The following PLBD1 variants were observed in gnomAD, a reference collection of about 807,000 sequenced individuals.
PLBD1 encodes lysosomal leucine aminopeptidase.
Under a neutral mutation model 63.0 loss-of-function variants are expected in PLBD1, and 60 were observed. The observed-to-expected ratio is 0.95, with a 90% CI of 0.77 to 1.18. PLBD1 has a LOEUF of 1.18. Ranked by LOEUF, PLBD1 falls within the 50% of genes most tolerant of loss-of-function variation. The pLI, the probability that PLBD1 is intolerant of heterozygous loss-of-function variation, is 0.00. For missense variants in PLBD1, 598 were observed against 677.9 expected (o/e 0.88, Z 1.31); for synonymous variants, 262 against 248.0 (o/e 1.06, Z -0.53).
chr12:14,563,421 G>A (rs2136936473), intron 1 of PLBD1, among the ~76,000 whole-genome samples: 1 of 152,244 alleles, frequency 6.6e-6, no homozygotes, highest in South Asian at 2.1e-4. Context: ...GGGAGGCTGA[G>A]GCATGAGAAT....
Position 14,503,732 on chromosome 12 carries a change from G to A in PLBD1, c.*40C>T, listed in dbSNP as rs747745304. The A allele has an allele frequency of 1.3e-6, 2 of 1,527,316 alleles. No homozygotes were observed. The highest frequency in any genetic ancestry group is 2.8e-5 in the African/African-American group (2 of 72,448). The allele number at this position is 1,527,316 out of a possible 1,614,324, so 94.6% of individuals were successfully genotyped here. A position where few individuals can be genotyped will look rare whatever the true frequency, so the allele number is the denominator to read the frequency against. On this transcript the variant is annotated 3_prime_UTR_variant, in exon 11 of 11. Coordinates refer to ENST00000240617, the MANE Select transcript of PLBD1 (RefSeq NM_024829.6). ...AAACATAGCTAAAATAGTGCCTTTG[G>A]TATCTTATTTACAGTCTTCTAGTCC...
At chr12:14,561,990 T>C (rs1945745024) in intron 1 of PLBD1, among the ~76,000 whole-genome samples, 1 of 152,204 alleles carries the variant, frequency 6.6e-6, no homozygotes, top group Non-Finnish European at 1.5e-5. Context: ...GGTTTGCAAA[T>C]GACCTGAAAG....
intron 10 of PLBD1, among the ~76,000 whole-genome samples, chr12:14,504,614 T>G (rs1945236488): frequency 6.6e-6 from 1 of 152,216 alleles, no homozygotes; most frequent in Admixed American, 6.5e-5. Context: ...GGCATGAGGA[T>G]TAATGCAAGC....
Position 14,503,944 on chromosome 12 carries a change from A to C in PLBD1, c.1490T>G (p.Ile497Ser). 4 of 1,597,542 alleles carry C rather than the reference A, an allele frequency of 2.5e-6. No individual in the cohort carries two copies. The highest frequency in any genetic ancestry group is 3.4e-6 in the Non-Finnish European group (4 of 1,170,598). ...GGATGTGTACTGAGATGCTAGGTAG[A>C]TATCTGCCACCTGGAAAGAGGGAGG... Reference protein sequence around the residue: ...GGCYDTKVADIYLASQYTSYA... With the variant: ...GGCYDTKVADSYLASQYTSYA... Residue 497 changes from isoleucine to serine, a missense_variant, in exon 11 of 11, where the codon ATC (isoleucine) becomes AGC (serine). Ile to Ser is a moderately radical substitution (Grantham distance 142). Coordinates refer to ENST00000240617, the MANE Select transcript of PLBD1 (RefSeq NM_024829.6).
At chr12:14,534,765 A>G (rs1945498917) in intron 6 of PLBD1, among the ~76,000 whole-genome samples, 1 of 152,070 alleles carries the variant, frequency 6.6e-6, no homozygotes, top group South Asian at 2.1e-4. Context: ...GATGGTCTCA[A>G]TCTCCTGACC....
intron 2 of PLBD1, among the ~76,000 whole-genome samples, chr12:14,548,560 T>G (rs115408384): frequency 0.01 from 1,549 of 151,850 alleles, 38 homozygotes; most frequent in African/African-American, 0.036. Context: ...AGAAGCATAT[T>G]CAGTTTCTAA....
intron 2 of PLBD1, among the ~76,000 whole-genome samples, chr12:14,543,028 C>T (rs1276432103): frequency 6.6e-6 from 1 of 152,112 alleles, no homozygotes; most frequent in Non-Finnish European, 1.5e-5. Flanking sequence ...TTAAAAATGT[C>T]TCATATGGTG....
At chr12:14,540,039 T>C (rs1479334237) in intron 4 of PLBD1, among the ~76,000 whole-genome samples, 1 of 52,710 alleles carries the variant, frequency 1.9e-5, no homozygotes, top group Non-Finnish European at 4.7e-5. Flanking sequence ...TATATATATA[T>C]ATATATATAT....
Position 14,565,879 on chromosome 12 carries a change from T to C in PLBD1, c.115+1703A>G, listed in dbSNP as rs1366357079. Among the ~76,000 whole-genome samples the C allele has an allele frequency of 2.0e-5, 3 of 152,164 alleles. No individual in the cohort carries two copies. The East Asian group carries it at 5.8e-4, about 29-fold the overall frequency. On this transcript the variant is annotated intron_variant, in intron 1 of 10. Coordinates refer to ENST00000240617, the MANE Select transcript of PLBD1 (RefSeq NM_024829.6). ...ATGGTGCTGTCAGGATCACTTCATC[T>C]CAGAAATGTCCTTACTTTCTGCCTT...
At chr12:14,531,450 T>G (rs922072594) in intron 6 of PLBD1, among the ~76,000 whole-genome samples, 1 of 152,164 alleles carries the variant, frequency 6.6e-6, no homozygotes, top group Non-Finnish European at 1.5e-5. Flanking sequence ...TCAAAAATCC[T>G]TATTATGCTT....
In PLBD1 at chr12:14,507,125, T is replaced by G; in HGVS notation, c.1187-7A>C. 6.3e-7 allele frequency: 1 copy of G among 1,587,634 alleles called. No individual in the cohort carries two copies. Among genetic ancestry groups the G allele is most frequent in the African/African-American group, 1.3e-5 (1 of 74,514 alleles). ...TTGTAGGAGGGCCAATATCCTGATT[T>G]GGAATGGAAGGGAAGTAAGGGAGGG... is the stretch of plus-strand genomic sequence containing the variant. On this transcript the variant is annotated splice_polypyrimidine_tract_variant and splice_region_variant and intron_variant, in intron 8 of 10. Transcript: ENST00000240617.
intron 1 of PLBD1, among the ~76,000 whole-genome samples, chr12:14,561,612 T>C (rs1367935757): frequency 6.6e-6 from 1 of 152,212 alleles, no homozygotes; most frequent in Non-Finnish European, 1.5e-5. Context: ...TGGAATGCAA[T>C]GGCACGGTCT....
chr12:14,549,191 T>G (rs754699722), intron 2 of PLBD1, among the ~76,000 whole-genome samples: 4 of 152,206 alleles, frequency 2.6e-5, no homozygotes, highest in Non-Finnish European at 5.9e-5. Flanking sequence ...CCATTAAACC[T>G]GATTAGCATG....
chr12:14,560,425 G>GAA, intron 1 of PLBD1, among the ~76,000 whole-genome samples: 1 of 152,224 alleles, frequency 6.6e-6, no homozygotes, highest in South Asian at 2.1e-4. Flanking sequence ...AGATGTTGGA[G>GAA]AAAATAGAAA....
chr12:14,536,741 C>T (rs1485866494), intron 4 of PLBD1, 31 bp from the exon 5 acceptor site: 1 of 1,605,644 alleles, frequency 6.2e-7, no homozygotes. Context: ...CACTTAACAT[C>T]GTTTTGTGAC....
intron 2 of PLBD1, among the ~76,000 whole-genome samples, chr12:14,547,389 G>C (rs1945624160): frequency 6.6e-6 from 1 of 151,992 alleles, no homozygotes; most frequent in Non-Finnish European, 1.5e-5. Context: ...CCTCGTCCTG[G>C]GACCCTACAC....
chr12:14,553,331 G>A lies in PLBD1; in HGVS notation c.197C>T (p.Ala66Val). Reference protein sequence around the residue: ...VKNVMDKNGDAYGFYNNSVKT... With the variant: ...VKNVMDKNGDVYGFYNNSVKT... Reference sequence around the variant, plus strand: ...CACAGAGTTATTGTAAAAGCCATAGGCGTCCCCATTCTTGTCCATTACATT... The same window carrying A: ...CACAGAGTTATTGTAAAAGCCATAGACGTCCCCATTCTTGTCCATTACATT... The change falls in exon 2 of 11, where the codon GCC (alanine) becomes GTC (valine). Residue 66 changes from alanine to valine, a missense_variant. By Grantham distance (64) the Ala-to-Val change is moderately conservative. Transcript: ENST00000240617. The A allele has an allele frequency of 6.2e-7, 1 of 1,614,176 alleles. No homozygotes were observed. The highest frequency in any genetic ancestry group is 8.5e-7 in the Non-Finnish European group (1 of 1,180,042).
chr12:14,526,520 C>G (rs892470796), intron 6 of PLBD1, among the ~76,000 whole-genome samples: 5 of 152,160 alleles, frequency 3.3e-5, no homozygotes, highest in African/African-American at 9.7e-5. Context: ...AGGTACATCT[C>G]TAAAGTGGAG....
chr12:14,529,790 ACAAT>A (rs1041682363), intron 6 of PLBD1, among the ~76,000 whole-genome samples: 2 of 152,194 alleles, frequency 1.3e-5, no homozygotes, highest in African/African-American at 4.8e-5. Context: ...ATACAAAAAA[ACAAT>A]CAAAGACATA....
Sources: gnomAD v4.1 joint callset for allele counts (sites outside exome capture counted in the v4.1 genomes callset) on GRCh38, gnomAD v4.1.1 for gene constraint, MANE v1.5 for transcripts, NCBI Gene and HGNC (gene_info 2026-07-23, HGNC 2026-07-21) for gene names.